ACTR3: variants seen among roughly 807,000 people sequenced by gnomAD.
The protein encoded by ACTR3 is actin-related protein 3.
In ACTR3, 12 loss-of-function variants were observed where a neutral mutation model predicts 56.8. The ratio of observed to expected loss-of-function variants is 0.21; its 90% confidence interval spans 0.14 to 0.34. The LOEUF (loss-of-function observed/expected upper bound fraction) is 0.34, where lower values mean the gene tolerates loss of function less well. ACTR3 is among the 10% of genes least tolerant of loss of function. The pLI is 1.00. For synonymous variants in ACTR3, 162 were observed against 167.4 expected (o/e 0.97, Z 0.25); for missense variants, 282 against 512.5 (o/e 0.55, Z 4.34).
At chr2:113,932,453 T>C (rs1282417890) in intron 5 of ACTR3, among the ~76,000 whole-genome samples, 1 of 152,210 alleles carries the variant, frequency 6.6e-6, no homozygotes, top group Non-Finnish European at 1.5e-5. Flanking sequence ...TAAAGCTTAC[T>C]TTAAAACACT....
chr2:113,918,653 G>A (rs1233666182), intron 3 of ACTR3, among the ~76,000 whole-genome samples: 2 of 152,118 alleles, frequency 1.3e-5, no homozygotes, highest in Non-Finnish European at 2.9e-5. Context: ...CCAAAGTGCT[G>A]GGGTTATAGA....
intron 7 of ACTR3, 91 bp from the exon 8 acceptor site, chr2:113,942,095 T>TA (rs1483733410): frequency 6.0e-6 from 6 of 1,004,736 alleles, no homozygotes; most frequent in Non-Finnish European, 8.3e-6. Context: ...TTTTTTTTTT[T>TA]ATTGGATTAT....
At chr2:113,937,471 A>C (rs1321011414) in intron 6 of ACTR3, among the ~76,000 whole-genome samples, 2 of 152,126 alleles carry the variant, frequency 1.3e-5, no homozygotes, top group African/African-American at 4.8e-5. Context: ...GAAGGTCCAG[A>C]TTTCCACCTA....
At position 113,949,767 on chromosome 2, in the gene ACTR3, T is replaced by TG. The variant is rs544812917; in HGVS notation, c.859-1711dup. ...TTGTAGAGACAGGGTCTCGCTATGT[T>TG]GCCCAGGCTGGTGTCAAACTCTGGG... On this transcript the variant is annotated intron_variant, in intron 8 of 11. Coordinates refer to ENST00000263238, the MANE Select transcript of ACTR3 (RefSeq NM_005721.5). Among the ~76,000 whole-genome samples, 31 of 152,284 alleles carry TG rather than the reference T, an allele frequency of 2.0e-4. 1 individual carries two copies. The South Asian group carries it at 6.4e-3, about 32-fold the overall frequency.
At chr2:113,939,876 G>C in intron 6 of ACTR3, 83 bp from the exon 7 acceptor site, 1 of 1,227,892 alleles carries the variant, frequency 8.1e-7, no homozygotes, top group Admixed American at 2.2e-5. Flanking sequence ...TTAATAAATT[G>C]GTCTTTATTG....
At position 113,960,761 on chromosome 2, in the gene ACTR3, C is replaced by A. The variant is rs983982174; in HGVS notation, c.*3306C>A. The A allele has an allele frequency of 6.6e-6, 1 of 151,928 alleles. No individual in the cohort carries two copies. The highest frequency in any genetic ancestry group is 1.9e-4 in the East Asian group (1 of 5,194). 9.4% of individuals were successfully genotyped at this position (151,928 alleles called of 1,614,324 possible). A position where few individuals can be genotyped will look rare whatever the true frequency, so the allele number is the denominator to read the frequency against. Reference sequence around the variant, plus strand: ...CCAGGCATGAGTACCTTGGATAGCCCTCTGAAGTCTGTTACCACCCAGATT... The same window carrying A: ...CCAGGCATGAGTACCTTGGATAGCCATCTGAAGTCTGTTACCACCCAGATT... On this transcript the variant is annotated 3_prime_UTR_variant, in exon 12 of 12. Coordinates refer to ENST00000263238, the MANE Select transcript of ACTR3 (RefSeq NM_005721.5).
At chr2:113,931,803 C>T (rs1241297962) in intron 5 of ACTR3, among the ~76,000 whole-genome samples, 6 of 151,316 alleles carry the variant, frequency 4.0e-5, no homozygotes, top group Admixed American at 3.3e-4. Flanking sequence ...GTATATTTGA[C>T]ACCCTAATAT....
intron 6 of ACTR3, among the ~76,000 whole-genome samples, chr2:113,935,413 G>A (rs759665670): frequency 1.3e-5 from 2 of 152,168 alleles, no homozygotes; most frequent in African/African-American, 4.8e-5. Context: ...TTTTGTCTGT[G>A]TTAGATTTGC....
At chr2:113,939,846 G>T in intron 6 of ACTR3, 113 bp from the exon 7 acceptor site, 1 of 912,694 alleles carries the variant, frequency 1.1e-6, no homozygotes, top group South Asian at 2.3e-5. Flanking sequence ...AGCAGTACTT[G>T]AGACTATAAA....
chr2:113,938,011 G>A (rs1279724102), intron 6 of ACTR3, among the ~76,000 whole-genome samples: 1 of 151,962 alleles, frequency 6.6e-6, no homozygotes, highest in Non-Finnish European at 1.5e-5. Flanking sequence ...AGATCATGAT[G>A]CTCTGTACAT....
intron 10 of ACTR3, chr2:113,952,134 A>G (rs1325027084): frequency 3.9e-6 from 1 of 256,898 alleles, no homozygotes; most frequent in Non-Finnish European, 7.5e-6. Context: ...CTTTGCATAC[A>G]CCAACAATCA....
intron 10 of ACTR3, chr2:113,953,927 G>A (rs1443255786): frequency 6.6e-6 from 1 of 152,098 alleles, no homozygotes; most frequent in Non-Finnish European, 1.5e-5. Flanking sequence ...AGGATTGCAT[G>A]TTTCATTTAC....
intron 3 of ACTR3, among the ~76,000 whole-genome samples, chr2:113,924,003 C>A (rs1421459092): frequency 6.6e-6 from 1 of 151,628 alleles, no homozygotes; most frequent in African/African-American, 2.4e-5. Context: ...TGGATCTGGT[C>A]CATCCTAACT....
At chr2:113,914,478 G>A (rs907800402) in intron 2 of ACTR3, among the ~76,000 whole-genome samples, 1 of 151,976 alleles carries the variant, frequency 6.6e-6, no homozygotes, top group East Asian at 1.9e-4. Context: ...AGGCATGGTG[G>A]TGCACACCTG....
chr2:113,949,150 G>T (rs1680073378), intron 8 of ACTR3, among the ~76,000 whole-genome samples: 1 of 151,496 alleles, frequency 6.6e-6, no homozygotes, highest in African/African-American at 2.4e-5. Flanking sequence ...GGCTGAGGCA[G>T]GCGGATCACC....
At chr2:113,950,387 A>C (rs1680098558) in intron 8 of ACTR3, among the ~76,000 whole-genome samples, 1 of 152,228 alleles carries the variant, frequency 6.6e-6, no homozygotes, top group African/African-American at 2.4e-5. Flanking sequence ...TGTGAAAAGG[A>C]CACTTGTTTA....
At chr2:113,949,291 T>C (rs1187938610) in intron 8 of ACTR3, among the ~76,000 whole-genome samples, 1 of 149,668 alleles carries the variant, frequency 6.7e-6, no homozygotes, top group Non-Finnish European at 1.5e-5. Flanking sequence ...GGTAGGAGAA[T>C]TGCTTGAACC....
Position 113,951,864 on chromosome 2 carries a change from T to G in ACTR3, c.1077+19T>G, listed in dbSNP as rs1348273581. The stretch of plus-strand genomic sequence containing the variant: ...ATTGAAGGTTGGTTTTCCCAATTAT[T>G]GGTGAGAAGGTTGAGGGTGCCTTCC... On this transcript the variant is annotated intron_variant, in intron 10 of 11. Coordinates refer to ENST00000263238, the MANE Select transcript of ACTR3 (RefSeq NM_005721.5). 1 of 1,612,348 alleles carries G rather than the reference T, an allele frequency of 6.2e-7. No individual in the cohort carries two copies. Among genetic ancestry groups the G allele is most frequent in the Non-Finnish European group, 8.5e-7 (1 of 1,178,736 alleles).
rs1477619812 is a variant in ACTR3, at chr2:113,961,270, A to C, written c.*3815A>C. 5 of 152,018 alleles carry C rather than the reference A, an allele frequency of 3.3e-5. No individual in the cohort carries two copies. Among genetic ancestry groups the C allele is most frequent in the African/African-American group, 1.2e-4 (5 of 41,428 alleles). 9.4% of individuals were successfully genotyped at this position (152,018 alleles called of 1,614,324 possible). On this transcript the variant is annotated 3_prime_UTR_variant, in exon 12 of 12. Coordinates refer to ENST00000263238, the MANE Select transcript of ACTR3 (RefSeq NM_005721.5). The stretch of plus-strand genomic sequence containing the variant: ...TGAGGTATTCTCCATGCTATAACCC[A>C]GTTTAGCTGATGCATTTGGAGCTTG...
Sources: gnomAD v4.1 joint callset for allele counts (sites outside exome capture counted in the v4.1 genomes callset) on GRCh38, gnomAD v4.1.1 for gene constraint, MANE v1.5 for transcripts, NCBI Gene and HGNC (gene_info 2026-07-23, HGNC 2026-07-21) for gene names.